Variants in ZFP1 observed in about 807,000 individuals in gnomAD.
ZFP1 encodes the protein ZFP1 zinc finger protein, also known as zinc finger protein 1 homolog.
A neutral mutation model predicts 38.5 loss-of-function variants in ZFP1; 32 were observed. The ratio of observed to expected loss-of-function variants is 0.83; its 90% confidence interval spans 0.63 to 1.12. The LOEUF (loss-of-function observed/expected upper bound fraction) is 1.12, where lower values mean the gene tolerates loss of function less well. Among genes scored for constraint, ZFP1 ranks in the 50% most tolerant of loss-of-function variants. The pLI, the probability that ZFP1 is intolerant of heterozygous loss-of-function variation, is 0.00. For missense variants in ZFP1, 616 were observed against 480.8 expected (o/e 1.28, Z -2.63); for synonymous variants, 245 against 168.8 (o/e 1.45, Z -3.50).
upstream of ZFP1, among the ~76,000 whole-genome samples, chr16:75,144,791 T>A (rs530320019): frequency 1.3e-5 from 2 of 152,236 alleles, no homozygotes; most frequent in Non-Finnish European, 2.9e-5. Context: ...AATGGAATCA[T>A]ACAGTATTTG....
At chr16:75,154,873 G>A (rs1347025785) in intron 2 of ZFP1, among the ~76,000 whole-genome samples, 1 of 151,972 alleles carries the variant, frequency 6.6e-6, no homozygotes, top group Non-Finnish European at 1.5e-5. Flanking sequence ...TCTTGGCTCA[G>A]TGCAACCTCC....
At chr16:75,125,206 C>T in the ZFP1 span, among the ~76,000 whole-genome samples, 1 of 152,294 alleles carries the variant, frequency 6.6e-6, no homozygotes, top group Non-Finnish European at 1.5e-5. Flanking sequence ...TTACAGTGAG[C>T]TGAGGTCATG....
the ZFP1 span, among the ~76,000 whole-genome samples, chr16:75,125,185 G>A: frequency 7.2e-5 from 11 of 152,110 alleles, no homozygotes; most frequent in African/African-American, 2.4e-4. Context: ...CTTGCACCTA[G>A]GAAGCAGTGG....
upstream of ZFP1, among the ~76,000 whole-genome samples, chr16:75,147,772 A>T (rs1365284526): frequency 6.6e-6 from 1 of 152,166 alleles, no homozygotes; most frequent in Non-Finnish European, 1.5e-5. Flanking sequence ...ACTGAGGGTG[A>T]AGGGAAATGG....
At chr16:75,134,086 A>G in the ZFP1 span, among the ~76,000 whole-genome samples, 1 of 152,138 alleles carries the variant, frequency 6.6e-6, no homozygotes, top group African/African-American at 2.4e-5. Flanking sequence ...TAGGCCTTAA[A>G]AATTCCACCT....
chr16:75,135,770 T>C, the ZFP1 span, among the ~76,000 whole-genome samples: 1 of 152,194 alleles, frequency 6.6e-6, no homozygotes, highest in East Asian at 1.9e-4. Context: ...CCACACTGAG[T>C]GAAACAATAC....
intron 2 of ZFP1, among the ~76,000 whole-genome samples, chr16:75,159,975 G>A (rs2037682255): frequency 6.6e-6 from 1 of 152,006 alleles, no homozygotes; most frequent in Non-Finnish European, 1.5e-5. Flanking sequence ...TATCTTTCTG[G>A]ATTCAGACTG....
chr16:75,144,572 T>C (rs370654691), upstream of ZFP1, among the ~76,000 whole-genome samples: 1 of 152,224 alleles, frequency 6.6e-6, no homozygotes, highest in Non-Finnish European at 1.5e-5. Context: ...GTTGGTATAA[T>C]AAGATCTTCA....
At chr16:75,157,515 A>T (rs1427151261) in intron 2 of ZFP1, among the ~76,000 whole-genome samples, 3 of 151,986 alleles carry the variant, frequency 2.0e-5, no homozygotes, top group African/African-American at 7.2e-5. Flanking sequence ...AAATGCTAGG[A>T]TTACAGGTGA....
the ZFP1 span, among the ~76,000 whole-genome samples, chr16:75,127,272 A>C: frequency 0.31 from 47,749 of 151,780 alleles, 7,671 homozygotes; most frequent in Non-Finnish European, 0.34. Flanking sequence ...TGGGCAGGGA[A>C]AGAGTCTCCC....
upstream of ZFP1, among the ~76,000 whole-genome samples, chr16:75,148,283 T>C (rs2036982988): frequency 6.6e-6 from 1 of 152,154 alleles, no homozygotes; most frequent in Middle Eastern, 3.2e-3. Flanking sequence ...AGGTGGTGAA[T>C]TGTAGTTCAC....
chr16:75,128,945 C>A, the ZFP1 span, among the ~76,000 whole-genome samples: 6 of 152,146 alleles, frequency 3.9e-5, no homozygotes, highest in Non-Finnish European at 7.3e-5. Flanking sequence ...AGTGCACCAC[C>A]ACGCCTGGCT....
chr16:75,170,368 G>A lies in ZFP1; in HGVS notation c.*34G>A, dbSNP rs774328383. 3 of 1,526,942 alleles carry A rather than the reference G, an allele frequency of 2.0e-6. No homozygotes were observed. Among genetic ancestry groups the A allele is most frequent in the Admixed American group, 4.3e-5 (2 of 46,624 alleles). 94.6% of individuals were successfully genotyped at this position (1,526,942 alleles called of 1,614,324 possible). On this transcript the variant is annotated 3_prime_UTR_variant, in exon 4 of 4. Coordinates refer to ENST00000570010, the MANE Select transcript of ZFP1 (RefSeq NM_153688.4). The stretch of plus-strand genomic sequence containing the variant: ...CCAGGTCTTACTGTGGAAAACTCCT[G>A]CCAGAACTCTTCAAGCGGGTGAAAA...
Position 75,171,132 on chromosome 16 carries a change from C to T in ZFP1, c.*798C>T, listed in dbSNP as rs1415246123. On this transcript the variant is annotated 3_prime_UTR_variant, in exon 4 of 4. Transcript: ENST00000570010. ...GTGTAAAGACAATATCCCCATTCGT[C>T]ATGCTCTTATTTTCCCGTGGGATAT... 1.3e-5 allele frequency: 2 copies of T among 152,206 alleles called. No homozygotes were observed. The highest frequency in any genetic ancestry group is 4.8e-5 in the African/African-American group (2 of 41,474). The allele number at this position is 152,206 out of a possible 1,614,324, so 9.4% of individuals were successfully genotyped here. A position where few individuals can be genotyped will look rare whatever the true frequency, so the allele number is the denominator to read the frequency against.
the ZFP1 span, among the ~76,000 whole-genome samples, chr16:75,129,552 A>G: frequency 1.3e-5 from 2 of 152,208 alleles, no homozygotes; most frequent in East Asian, 1.9e-4. Context: ...AAGAACCTCA[A>G]AAGAATGCAA....
At chr16:75,152,789 C>G (rs2037273196) in intron 1 of ZFP1, 120 bp from the exon 2 acceptor site, 1 of 856,812 alleles carries the variant, frequency 1.2e-6, no homozygotes, top group Non-Finnish European at 1.8e-6. Flanking sequence ...GGCAAAGGGA[C>G]TTTCCCAGGA....
chr16:75,134,622 G>A, the ZFP1 span, among the ~76,000 whole-genome samples: 1 of 151,538 alleles, frequency 6.6e-6, no homozygotes, highest in Non-Finnish European at 1.5e-5. Flanking sequence ...CGTGGTGGCG[G>A]GCACCTGTAG....
intron 1 of ZFP1, among the ~76,000 whole-genome samples, chr16:75,151,535 C>T (rs112085339): frequency 0.02 from 3,018 of 152,018 alleles, 51 homozygotes; most frequent in Non-Finnish European, 0.031. Context: ...TTGGTTGTTA[C>T]CCTAAAGTTT....
chr16:75,160,546 C>G (rs2037714484), intron 2 of ZFP1, among the ~76,000 whole-genome samples: 1 of 151,504 alleles, frequency 6.6e-6, no homozygotes, highest in Non-Finnish European at 1.5e-5. Context: ...GTAACCCCAG[C>G]TACTTAGGTG....
Sources: gnomAD v4.1 joint callset for allele counts (sites outside exome capture counted in the v4.1 genomes callset) on GRCh38, gnomAD v4.1.1 for gene constraint, MANE v1.5 for transcripts, NCBI Gene and HGNC (gene_info 2026-07-23, HGNC 2026-07-21) for gene names.